Variants in DOCK7 observed in about 807,000 individuals in gnomAD.
DOCK7 encodes the protein dedicator of cytokinesis protein 7.
Under a neutral mutation model 271.0 loss-of-function variants are expected in DOCK7, and 138 were observed. The ratio of observed to expected loss-of-function variants is 0.51; its 90% CI spans 0.44 to 0.59. The LOEUF (loss-of-function observed/expected upper bound fraction) is 0.59, where lower values mean the gene tolerates loss of function less well. Ranked by LOEUF, DOCK7 falls within the 20% of genes least tolerant of loss-of-function variation. The probability of loss-of-function intolerance (pLI) is 0.00; values close to 1 mark genes in which losing one functional copy is unlikely to be tolerated. For synonymous variants in DOCK7, 823 were observed against 876.1 expected, an observed-to-expected ratio of 0.94 and a Z score of 1.07; for missense variants, 2,066 against 2,592.4, an observed-to-expected ratio of 0.80 and a Z score of 4.41.
chr1:62,550,719 AT>A (rs11343278), intron 22 of DOCK7, among the ~76,000 whole-genome samples: 82,859 of 143,204 alleles, frequency 0.58, 24,672 homozygotes, highest in East Asian at 0.75. Flanking sequence ...AATGGGAGTA[AT>A]TTTTTTTTTT....
chr1:62,561,811 TTTTA>T, intron 18 of DOCK7, 108 bp from the exon 19 acceptor site: 4 of 558,196 alleles, frequency 7.2e-6, no homozygotes, highest in South Asian at 3.6e-5. Flanking sequence ...GAAAATATAT[TTTTA>T]TTCACTGTAA....
Position 62,636,121 on chromosome 1 carries a change from G to A in DOCK7, c.885+416C>T, listed in dbSNP as rs537089781. Among the ~76,000 whole-genome samples the A allele has an allele frequency of 2.6e-5, 4 of 151,902 alleles. No homozygotes were observed. In the South Asian group the frequency reaches 8.3e-4, roughly 32 times the overall value. On this transcript the variant is annotated intron_variant, in intron 8 of 49. Transcript: ENST00000635253. Reference sequence around the variant, plus strand: ...CAAAAAGTTAGCTGGGCGTAGTGGCGGGCGCCTGTAGTCCCAGCTACTCGG... The same window carrying A: ...CAAAAAGTTAGCTGGGCGTAGTGGCAGGCGCCTGTAGTCCCAGCTACTCGG...
chr1:62,481,451 A>T (rs1646124532), intron 43 of DOCK7: 1 of 152,114 alleles, frequency 6.6e-6, no homozygotes, highest in Non-Finnish European at 1.5e-5. Context: ...AAGCACAGTC[A>T]TATTGCTTCG....
intron 8 of DOCK7, among the ~76,000 whole-genome samples, chr1:62,636,214 A>G (rs980692401): frequency 1.3e-5 from 2 of 152,188 alleles, no homozygotes; most frequent in African/African-American, 2.4e-5. Flanking sequence ...TTTGAAAATC[A>G]TGTCAATAAA....
At chr1:62,500,564 C>A (rs1220549298) in intron 37 of DOCK7, among the ~76,000 whole-genome samples, 1 of 151,996 alleles carries the variant, frequency 6.6e-6, no homozygotes, top group African/African-American at 2.4e-5. Context: ...ACCTGAGAAA[C>A]TTAACACAAA....
chr1:62,681,727 T>A (rs1461204742), intron 1 of DOCK7, among the ~76,000 whole-genome samples: 2 of 152,044 alleles, frequency 1.3e-5, no homozygotes, highest in Non-Finnish European at 2.9e-5. Flanking sequence ...TACTATAGAA[T>A]GGATTGATTG....
At chr1:62,566,164 G>C (rs1646508105) in intron 18 of DOCK7, among the ~76,000 whole-genome samples, 1 of 152,082 alleles carries the variant, frequency 6.6e-6, no homozygotes, top group Non-Finnish European at 1.5e-5. Context: ...TCCCCATCAA[G>C]CTACCATTGA....
intron 31 of DOCK7, among the ~76,000 whole-genome samples, 190 bp from the exon 32 acceptor site, chr1:62,514,088 T>G (rs760599274): frequency 2.6e-5 from 4 of 152,148 alleles, no homozygotes; most frequent in African/African-American, 4.8e-5. Context: ...GAGCCTGAAG[T>G]TTAATGAACC....
intron 29 of DOCK7, among the ~76,000 whole-genome samples, chr1:62,533,312 T>C (rs895356302): frequency 6.6e-6 from 1 of 152,222 alleles, no homozygotes; most frequent in African/African-American, 2.4e-5. Flanking sequence ...CAGGTTCACA[T>C]ACCAAGTAAA....
At chr1:62,638,605 ATT>A (rs965063692) in intron 7 of DOCK7, among the ~76,000 whole-genome samples, 6 of 146,784 alleles carry the variant, frequency 4.1e-5, no homozygotes, top group East Asian at 4.0e-4. Context: ...ATGAATATAT[ATT>A]TTTTCATGAA....
At chr1:62,675,187 G>A (rs1032314392) in intron 1 of DOCK7, among the ~76,000 whole-genome samples, 2 of 152,196 alleles carry the variant, frequency 1.3e-5, no homozygotes, top group African/African-American at 4.8e-5. Context: ...GGCTGAGCGG[G>A]GAGGATCACT....
chr1:62,648,683 G>T, intron 4 of DOCK7, 139 bp from the exon 5 acceptor site: 2 of 465,550 alleles, frequency 4.3e-6, no homozygotes, highest in Non-Finnish European at 3.5e-6. Flanking sequence ...AGCAATTTAG[G>T]TTAAAGAAAA....
intron 19 of DOCK7, 50 bp downstream of exon 19, chr1:62,561,567 C>T (rs767224943): frequency 1.5e-5 from 18 of 1,174,078 alleles, no homozygotes; most frequent in South Asian, 9.7e-5. Context: ...TTAGATATTA[C>T]GTTCAATTTA....
rs1646003527 is a variant in DOCK7, at chr1:62,477,585, G to A, written c.5634+115C>T. On this transcript the variant is annotated intron_variant, in intron 44 of 49. Transcript: ENST00000635253. ...TTAAAAGTCCTTATTCTCTAACGGA[G>A]TAGTTTACTTGGCAAGATCTGGCTT... 7 of 1,099,346 alleles carry A rather than the reference G, an allele frequency of 6.4e-6. No homozygotes were observed. The East Asian group carries it at 1.8e-4, about 28-fold the overall frequency. The allele number at this position is 1,099,346 out of a possible 1,614,324, so 68.1% of individuals were successfully genotyped here. A position where few individuals can be genotyped will look rare whatever the true frequency, so the allele number is the denominator to read the frequency against.
At chr1:62,657,741 A>G (rs947269378) in intron 2 of DOCK7, among the ~76,000 whole-genome samples, 17 of 152,190 alleles carry the variant, frequency 1.1e-4, no homozygotes, top group Non-Finnish European at 5.9e-5. Context: ...ACTAAATGGA[A>G]ATTTTAGAAC....
chr1:62,481,990 TC>T (rs1242502168), intron 43 of DOCK7: 4 of 152,254 alleles, frequency 2.6e-5, no homozygotes, highest in African/African-American at 9.6e-5. Flanking sequence ...CTAGGTTTAT[TC>T]CTCTTAAAGA....
chr1:62,604,609 A>G (rs751016555), intron 14 of DOCK7: 2 of 1,609,128 alleles, frequency 1.2e-6, no homozygotes, highest in Non-Finnish European at 1.7e-6. Flanking sequence ...TGTACCCATT[A>G]AATTGCATAT....
At chr1:62,511,453 C>T (rs1313026634) in intron 33 of DOCK7, 1 of 152,058 alleles carries the variant, frequency 6.6e-6, no homozygotes, top group Non-Finnish European at 1.5e-5. Flanking sequence ...AAACTTTCAA[C>T]TATAAAACTG....
chr1:62,511,868 G>T (rs1016284372), intron 33 of DOCK7, among the ~76,000 whole-genome samples: 4 of 151,902 alleles, frequency 2.6e-5, no homozygotes, highest in African/African-American at 9.7e-5. Flanking sequence ...TAATGTCTTA[G>T]AACTGAAAGT....
Sources: gnomAD v4.1 joint callset for allele counts (sites outside exome capture counted in the v4.1 genomes callset) on GRCh38, gnomAD v4.1.1 for gene constraint, MANE v1.5 for transcripts, NCBI Gene and HGNC (gene_info 2026-07-23, HGNC 2026-07-21) for gene names.